PIWIL3: variants seen among roughly 807,000 people sequenced by gnomAD.
PIWIL3 encodes the protein piwi like RNA-mediated gene silencing 3.
PIWIL3 carries 101 observed loss-of-function variants against 109.7 expected under a neutral mutation model. The observed-to-expected ratio is 0.92, with a 90% CI of 0.78 to 1.09. The LOEUF (loss-of-function observed/expected upper bound fraction) is 1.09. Among genes scored for constraint, PIWIL3 ranks in the 50% least tolerant of loss-of-function variants. The pLI, the probability that PIWIL3 is intolerant of heterozygous loss-of-function variation, is 0.00. For synonymous variants in PIWIL3, 373 were observed against 376.4 expected (o/e 0.99, Z 0.10); for missense variants, 1,031 against 1,072.6 (o/e 0.96, Z 0.54).
At chr22:24,731,984 A>C (rs1923378205) in intron 14 of PIWIL3, among the ~76,000 whole-genome samples, 2 of 152,164 alleles carry the variant, frequency 1.3e-5, no homozygotes, top group Admixed American at 1.3e-4. Flanking sequence ...GTGTTTCCTC[A>C]TCATGACTCA....
chr22:24,730,803 T>C (rs1334275976), intron 14 of PIWIL3, among the ~76,000 whole-genome samples: 2 of 152,218 alleles, frequency 1.3e-5, no homozygotes, highest in Non-Finnish European at 2.9e-5. Context: ...CTACTGGCAT[T>C]TTTACTACAA....
rs557741377 is a variant in PIWIL3 at position 24,738,924 on chromosome 22, C to T, written c.1450-3032G>A. ...CTGGAGAAACAGATATGTGACCTTT[C>T]GGACAACTCAAAATAGCTATTTAAG... On this transcript the variant is annotated intron_variant, in intron 12 of 20. Transcript: ENST00000616349. 3.9e-5 allele frequency among the ~76,000 whole-genome samples: 6 copies of T among 152,090 alleles called. No individual in the cohort carries two copies. The East Asian group carries it at 9.7e-4, about 24-fold the overall frequency.
At position 24,760,780 on chromosome 22, in the gene PIWIL3, CAAAAA is replaced by C. The variant is rs61469163; in HGVS notation, c.103-796_103-792del. On this transcript the variant is annotated intron_variant, in intron 2 of 20. Transcript: ENST00000616349. ...GGGCAACAAGAGCGAAACTCTGTCT[CAAAAA>C]AAAAAAAAAAAAAAAAAAGCTGTGA... Among the ~76,000 whole-genome samples, 132 of 41,022 alleles carry C rather than the reference CAAAAA, an allele frequency of 3.2e-3. 1 individual carries two copies. Among genetic ancestry groups the C allele is most frequent in the African/African-American group, 0.01 (107 of 10,648 alleles). The allele number at this position is 41,022 out of a possible 152,430, so 26.9% of individuals were successfully genotyped here.
chr22:24,745,064 G>A lies in PIWIL3; in HGVS notation c.1449+3843C>T, dbSNP rs559478172. On this transcript the variant is annotated intron_variant, in intron 12 of 20. Transcript: ENST00000616349. The stretch of plus-strand genomic sequence containing the variant: ...TGAAACAAAACTAGAAATCAAAAAC[G>A]AGGAATTTTGGAAACTATACAAACA... Among the ~76,000 whole-genome samples the A allele has an allele frequency of 4.6e-5, 7 of 152,238 alleles. No individual in the cohort carries two copies. The East Asian group carries it at 9.6e-4, about 21-fold the overall frequency.
chr22:24,734,256 C>G, intron 13 of PIWIL3, 100 bp from the exon 14 acceptor site: 1 of 1,458,812 alleles, frequency 6.9e-7, no homozygotes, highest in South Asian at 1.5e-5. Flanking sequence ...GATAAAATAC[C>G]AAGATATGCA....
At chr22:24,729,843 C>A (rs1375029860) in intron 14 of PIWIL3, among the ~76,000 whole-genome samples, 1 of 151,614 alleles carries the variant, frequency 6.6e-6, no homozygotes, top group Non-Finnish European at 1.5e-5. Context: ...TGACTTATTT[C>A]AAATTTTCAA....
intron 1 of PIWIL3, among the ~76,000 whole-genome samples, chr22:24,763,828 T>G (rs1350456801): frequency 7.0e-6 from 1 of 143,754 alleles, no homozygotes; most frequent in Non-Finnish European, 1.5e-5. Context: ...CACCATCTCC[T>G]GCCTCGGCCC....
In PIWIL3 at chr22:24,723,195, A is replaced by G. The variant is rs746768654; in HGVS notation, c.2292T>C (p.His764=). The G allele has an allele frequency of 2.5e-6, 4 of 1,611,274 alleles. No individual in the cohort carries two copies. Among genetic ancestry groups the G allele is most frequent in the Non-Finnish European group, 3.4e-6 (4 of 1,177,570 alleles). The part of the protein sequence containing the change: ...KRINTRFFLK[H]GSNFQNPPPG... ...GAGGTGGATTTTGAAAATTGCTTCC[A>G]TGTTTAAGAAAAAATCTAGTGTTTA... The change falls in exon 19 of 21, where the codon CAT becomes CAC. Residue 764 remains histidine (H), a synonymous_variant. Transcript: ENST00000616349.
chr22:24,726,880 T>C (rs1445678466), intron 16 of PIWIL3, among the ~76,000 whole-genome samples: 1 of 152,182 alleles, frequency 6.6e-6, no homozygotes. Flanking sequence ...CAGAGGTAAT[T>C]TGCAGGACAT....
chr22:24,755,785 T>C lies in PIWIL3; in HGVS notation c.691A>G (p.Arg231Gly). The C allele has an allele frequency of 1.2e-6, 2 of 1,614,030 alleles. No homozygotes were observed. Among genetic ancestry groups the C allele is most frequent in the Non-Finnish European group, 1.7e-6 (2 of 1,179,932 alleles). Residue 231 changes from arginine (R) to glycine (G), a missense_variant and splice_region_variant, in exon 6 of 21, where the codon AGA (arginine) becomes GGA (glycine). Physicochemically the swap from Arg to Gly is moderately radical, Grantham distance 125 (BLOSUM62 -2). Coordinates refer to ENST00000616349, the MANE Select transcript of PIWIL3 (RefSeq NM_001255975.1). Reference sequence around the variant, plus strand: ...AGAAACTCAACCCCGGTAACATACCTTCTAAAGAGAATGTTGTAATAGCGT... The same window carrying C: ...AGAAACTCAACCCCGGTAACATACCCTCTAAAGAGAATGTTGTAATAGCGT... The part of the protein sequence containing the change: ...CLRYYNILFR[R>G]TFKLLDFEQV...
chr22:24,767,177 A>G (rs967926268), intron 1 of PIWIL3, among the ~76,000 whole-genome samples: 5 of 151,696 alleles, frequency 3.3e-5, no homozygotes, highest in Non-Finnish European at 7.4e-5. Flanking sequence ...AGCAGTAACT[A>G]TTTGTTTACT....
chr22:24,766,543 T>C (rs5751977), intron 1 of PIWIL3, among the ~76,000 whole-genome samples: 100,604 of 151,598 alleles, frequency 0.66, 33,579 homozygotes, highest in East Asian at 0.75. Flanking sequence ...AGGATGGTCT[T>C]GATCTCCTGA....
intron 1 of PIWIL3, among the ~76,000 whole-genome samples, chr22:24,770,754 G>T (rs1263491752): frequency 1.3e-5 from 2 of 151,552 alleles, no homozygotes; most frequent in African/African-American, 4.9e-5. Context: ...AGAATTGCTT[G>T]AACCCAAGGG....
intron 12 of PIWIL3, among the ~76,000 whole-genome samples, chr22:24,740,445 G>A (rs1409754458): frequency 6.6e-6 from 1 of 151,226 alleles, no homozygotes; most frequent in Non-Finnish European, 1.5e-5. Context: ...TTGCTTGGGA[G>A]GCTGAGGCAG....
At chr22:24,737,530 G>C (rs999230244) in intron 12 of PIWIL3, among the ~76,000 whole-genome samples, 1 of 152,330 alleles carries the variant, frequency 6.6e-6, no homozygotes, top group East Asian at 1.9e-4. Context: ...TGGCTATGGG[G>C]AGAGACTCCT....
chr22:24,728,900 GA>G (rs1010223472), intron 14 of PIWIL3, among the ~76,000 whole-genome samples: 15 of 151,738 alleles, frequency 9.9e-5, no homozygotes, highest in African/African-American at 3.4e-4. Flanking sequence ...GAGGAGAAAG[GA>G]AAAAAACAAA....
intron 1 of PIWIL3, among the ~76,000 whole-genome samples, chr22:24,768,276 A>T (rs1925918069): frequency 6.7e-6 from 1 of 149,328 alleles, no homozygotes; most frequent in African/African-American, 2.5e-5. Context: ...CTTGAGATGG[A>T]GTCTTGCTCT....
In PIWIL3 at chr22:24,749,511, ATC is replaced by A. The variant is rs750709124; in HGVS notation, c.1225_1226del (p.Asp409Ter). ...CAATGCTATAATCTTTACATATTTC[ATC>A]TGTTAGACCTTTAAAAAAATCCAAA... ...PQLCHMTGLTDEICKDYSIVK... is the reference protein window; with the variant it reads ...PQLCHMTGLTXEICKDYSIVK... On this transcript the variant is annotated frameshift_variant, in exon 11 of 21. Transcript: ENST00000616349. LOFTEE classifies it high-confidence loss of function. 3.1e-6 allele frequency: 5 copies of A among 1,613,318 alleles called. No individual in the cohort carries two copies. The highest frequency in any genetic ancestry group is 4.2e-6 in the Non-Finnish European group (5 of 1,179,970).
At chr22:24,747,051 A>T (rs1384027682) in intron 12 of PIWIL3, among the ~76,000 whole-genome samples, 1 of 152,180 alleles carries the variant, frequency 6.6e-6, no homozygotes, top group African/African-American at 2.4e-5. Context: ...ACAAAACTGG[A>T]AGAATCATAT....
Sources: allele counts gnomAD v4.1 joint callset (sites outside exome capture counted in the v4.1 genomes callset), GRCh38; gene constraint gnomAD v4.1.1; transcripts MANE v1.5; gene names NCBI Gene and HGNC (gene_info 2026-07-23, HGNC 2026-07-21).